GABBR2: variants seen among roughly 807,000 people sequenced by gnomAD.
The protein encoded by GABBR2 is gamma-aminobutyric acid type B receptor subunit 2.
In GABBR2, 23 loss-of-function variants were observed where a neutral mutation model predicts 105.6. That is an observed-to-expected ratio of 0.22 (90% CI 0.16 to 0.31). The LOEUF is 0.31. GABBR2 is among the 10% of genes least tolerant of loss of function. The probability of loss-of-function intolerance (pLI) is 1.00; values close to 1 mark genes in which losing one functional copy is unlikely to be tolerated. For missense variants in GABBR2, 734 were observed against 1,245.5 expected, an observed-to-expected ratio of 0.59 and a Z score of 6.18; for synonymous variants, 478 against 499.7, an observed-to-expected ratio of 0.96 and a Z score of 0.58.
chr9:98,382,831 G>A (rs955169290), intron 11 of GABBR2, among the ~76,000 whole-genome samples: 9 of 152,222 alleles, frequency 5.9e-5, no homozygotes, highest in Non-Finnish European at 1.2e-4. Flanking sequence ...GGGCACAAAA[G>A]TCATGCTGAT....
intron 1 of GABBR2, among the ~76,000 whole-genome samples, chr9:98,698,017 T>A (rs1379427400): frequency 6.6e-6 from 1 of 152,242 alleles, no homozygotes; most frequent in African/African-American, 2.4e-5. Context: ...TTATTATAAG[T>A]ATGGCTGTTG....
rs1370544206 is a variant in GABBR2, at chr9:98,370,323, CG to C, written c.1770+1140del. ...GAGCATTTCACCTGCATCAAGAGGA[CG>C]GCAGGAGAGAAAGTCCTAGTAATGA... is the stretch of plus-strand genomic sequence containing the variant. On this transcript the variant is annotated intron_variant, in intron 12 of 18. Transcript: ENST00000259455. Among the ~76,000 whole-genome samples the C allele has an allele frequency of 3.9e-5, 6 of 152,032 alleles. No individual in the cohort carries two copies. The East Asian group carries it at 1.2e-3, about 29-fold the overall frequency.
intron 3 of GABBR2, among the ~76,000 whole-genome samples, chr9:98,506,507 G>C (rs961339421): frequency 6.6e-6 from 1 of 152,194 alleles, no homozygotes; most frequent in African/African-American, 2.4e-5. Context: ...AGGCAACTTC[G>C]CAAGGGCTGG....
intron 7 of GABBR2, among the ~76,000 whole-genome samples, chr9:98,447,553 G>A (rs1826156436): frequency 6.6e-6 from 1 of 151,558 alleles, no homozygotes; most frequent in Non-Finnish European, 1.5e-5. Context: ...GTGTGTGTGT[G>A]TGTGTGTGTG....
chr9:98,582,810 G>A (rs921643582), intron 1 of GABBR2, among the ~76,000 whole-genome samples: 21 of 152,006 alleles, frequency 1.4e-4, no homozygotes, highest in African/African-American at 4.8e-4. Flanking sequence ...CACTATGTAA[G>A]TTTCTGTTCC....
intron 7 of GABBR2, among the ~76,000 whole-genome samples, chr9:98,423,780 G>A (rs1374877944): frequency 3.3e-5 from 5 of 152,170 alleles, no homozygotes; most frequent in African/African-American, 4.8e-5. Flanking sequence ...ATTAATTTTT[G>A]TATAAGGTGT....
At chr9:98,687,779 G>T (rs77686552) in intron 1 of GABBR2, among the ~76,000 whole-genome samples, 2,226 of 152,296 alleles carry the variant, frequency 0.015, 59 homozygotes, top group African/African-American at 0.051. Flanking sequence ...CAGGACAGGG[G>T]CAATGCTTGG....
At chr9:98,700,274 G>A (rs1830813218) in intron 1 of GABBR2, among the ~76,000 whole-genome samples, 1 of 152,176 alleles carries the variant, frequency 6.6e-6, no homozygotes, top group Admixed American at 6.5e-5. Flanking sequence ...CAACCAAGTA[G>A]GCCCCACCCT....
intron 1 of GABBR2, among the ~76,000 whole-genome samples, chr9:98,685,397 G>A (rs768133065): frequency 6.6e-6 from 1 of 152,222 alleles, no homozygotes; most frequent in Non-Finnish European, 1.5e-5. Flanking sequence ...TTGTGATCAT[G>A]TGAGTCAATA....
At chr9:98,420,587 G>C (rs1423025958) in intron 7 of GABBR2, among the ~76,000 whole-genome samples, 1 of 152,234 alleles carries the variant, frequency 6.6e-6, no homozygotes, top group Non-Finnish European at 1.5e-5. Flanking sequence ...CAGTCTAGTG[G>C]AGGAGACAGA....
intron 1 of GABBR2, 23 bp downstream of exon 1, chr9:98,708,394 G>A (rs747091763): frequency 1.5e-6 from 2 of 1,365,938 alleles, no homozygotes; most frequent in Non-Finnish European, 1.9e-6. Context: ...AAGCCCCGAC[G>A]GCAGGGGCAG....
At position 98,290,277 on chromosome 9, in the gene GABBR2, T is replaced by TTTTTTTTTTTTTTTTTTTTTA. The variant is rs1830278588; in HGVS notation, c.*306_*307insTAAAAAAAAAAAAAAAAAAAA. The TTTTTTTTTTTTTTTTTTTTTA allele has an allele frequency of 7.1e-6, 1 of 141,114 alleles. No individual in the cohort carries two copies. The allele number at this position is 141,114 out of a possible 1,614,324, so 8.7% of individuals were successfully genotyped here. A position where few individuals can be genotyped will look rare whatever the true frequency, so the allele number is the denominator to read the frequency against. Reference sequence around the variant, plus strand: ...CCTTGTCTAGTTTTTTTGTTTTTTTTTTTTTTTTTTTTTTTTTGCAAGTTT... The same window carrying TTTTTTTTTTTTTTTTTTTTTA: ...CCTTGTCTAGTTTTTTTGTTTTTTTTTTTTTTTTTTTTTTTTTTTTATTTTTTTTTTTTTTTTTGCAAGTTT... On this transcript the variant is annotated 3_prime_UTR_variant, in exon 19 of 19. Transcript: ENST00000259455.
intron 7 of GABBR2, among the ~76,000 whole-genome samples, chr9:98,427,920 G>C (rs1219075279): frequency 6.6e-6 from 1 of 152,180 alleles, no homozygotes. Context: ...GCACTAGTGA[G>C]CCTTAGAATG....
intron 2 of GABBR2, among the ~76,000 whole-genome samples, chr9:98,569,317 C>G (rs997768799): frequency 6.6e-6 from 1 of 152,104 alleles, no homozygotes; most frequent in African/African-American, 2.4e-5. Flanking sequence ...GGCTGAGAGG[C>G]AGACGTTGTG....
rs183309559 is a variant in GABBR2 at position 98,387,087 on chromosome 9, C to G, written c.1530-1315G>C. On this transcript the variant is annotated intron_variant, in intron 10 of 18. Transcript: ENST00000259455. ...CTACAGCAGTCAGGGGAGGGGAGAGCCTGGGGGTTGGGGCAGGCTTCCCAG... is the reference window on the plus strand; with the variant it reads ...CTACAGCAGTCAGGGGAGGGGAGAGGCTGGGGGTTGGGGCAGGCTTCCCAG... Among the ~76,000 whole-genome samples, 4 of 152,120 alleles carry G rather than the reference C, an allele frequency of 2.6e-5. No individual in the cohort carries two copies. In the East Asian group the frequency reaches 7.7e-4, roughly 29 times the overall value.
chr9:98,430,564 G>C (rs998821666), intron 7 of GABBR2, among the ~76,000 whole-genome samples: 4 of 152,146 alleles, frequency 2.6e-5, no homozygotes, highest in Admixed American at 2.6e-4. Flanking sequence ...GGATCCTTCT[G>C]CCTGTCTTTT....
intron 1 of GABBR2, among the ~76,000 whole-genome samples, chr9:98,705,362 G>C (rs1224455901): frequency 6.6e-6 from 1 of 152,188 alleles, no homozygotes; most frequent in Non-Finnish European, 1.5e-5. Flanking sequence ...GTTGTAGGAG[G>C]CTCCTTTATT....
chr9:98,494,205 C>G (rs1282000444), intron 4 of GABBR2, among the ~76,000 whole-genome samples: 1 of 152,132 alleles, frequency 6.6e-6, no homozygotes, highest in Admixed American at 6.6e-5. Context: ...TATAAACCAC[C>G]TAGTTTGTGA....
intron 12 of GABBR2, among the ~76,000 whole-genome samples, chr9:98,368,147 C>T (rs926672868): frequency 4.6e-5 from 7 of 152,092 alleles, no homozygotes; most frequent in African/African-American, 1.7e-4. Context: ...TCATCTTCCT[C>T]TAGATGCCTG....
Sources: allele counts gnomAD v4.1 joint callset (sites outside exome capture counted in the v4.1 genomes callset), GRCh38; gene constraint gnomAD v4.1.1; transcripts MANE v1.5; gene names NCBI Gene and HGNC (gene_info 2026-07-23, HGNC 2026-07-21).